The following PWWP2B variants were observed in gnomAD, a reference collection of about 807,000 sequenced individuals.
PWWP2B encodes the protein PWWP domain containing 2B, also known as PWWP domain-containing protein 2B.
Under a neutral mutation model 15.5 loss-of-function variants are expected in PWWP2B, and 9 were observed. That is an observed-to-expected ratio of 0.58 (90% CI 0.35 to 1.02). The LOEUF is 1.02. PWWP2B is among the 50% of genes least tolerant of loss of function. PWWP2B has a pLI of 0.02. For synonymous variants in PWWP2B, 474 were observed against 403.6 expected, an observed-to-expected ratio of 1.17 and a Z score of -2.09; for missense variants, 864 against 865.3, an observed-to-expected ratio of 1.00 and a Z score of 0.02.
At chr10:132,416,953 A>G in intron 2 of PWWP2B, 108 bp from the exon 3 acceptor site, 1 of 1,174,382 alleles carries the variant, frequency 8.5e-7, no homozygotes, top group Non-Finnish European at 1.3e-6. Context: ...GTCCCGGGTG[A>G]GCCTCAGGCC....
Position 132,404,929 on chromosome 10 carries a change from G to A in PWWP2B, c.429G>A (p.Pro143=), listed in dbSNP as rs767366661. Residue 143 remains proline (P), a synonymous_variant, in exon 2 of 3, where the codon CCG becomes CCA. Coordinates refer to ENST00000305233, the MANE Select transcript of PWWP2B (RefSeq NM_138499.4). ...RDTYKLWVPQ[P]PPRTIKRTRR... ...CGTACAAGCTGTGGGTGCCCCAGCCGCCGCCCAGGACCATCAAGCGCACGC... is the reference window on the plus strand; with the variant it reads ...CGTACAAGCTGTGGGTGCCCCAGCCACCGCCCAGGACCATCAAGCGCACGC... 3.6e-5 allele frequency: 58 copies of A among 1,594,850 alleles called. No homozygotes were observed. Among genetic ancestry groups the A allele is most frequent in the Admixed American group, 2.0e-4 (12 of 59,832 alleles).
At chr10:132,413,721 C>T (rs546831511) in intron 2 of PWWP2B, among the ~76,000 whole-genome samples, 34 of 152,266 alleles carry the variant, frequency 2.2e-4, no homozygotes, top group Admixed American at 7.8e-4. Flanking sequence ...TTCTCCTCCC[C>T]GCCCCTCGCC....
chr10:132,404,354 C>A (rs1474727806), intron 1 of PWWP2B, among the ~76,000 whole-genome samples: 2 of 152,282 alleles, frequency 1.3e-5, no homozygotes, highest in East Asian at 3.9e-4. Flanking sequence ...AGCCTCTGGG[C>A]CTGTCTCTGG....
chr10:132,399,400 GC>G (rs1564871394), intron 1 of PWWP2B, among the ~76,000 whole-genome samples: 2 of 152,258 alleles, frequency 1.3e-5, no homozygotes, highest in African/African-American at 4.8e-5. Flanking sequence ...GGGAATGGCG[GC>G]CCCGCTCACA....
At chr10:132,404,119 G>A (rs1439105534) in intron 1 of PWWP2B, among the ~76,000 whole-genome samples, 1 of 150,286 alleles carries the variant, frequency 6.7e-6, no homozygotes, top group Non-Finnish European at 1.5e-5. Flanking sequence ...CCAGGGGCTT[G>A]CTTTGGGGGT....
intron 2 of PWWP2B, among the ~76,000 whole-genome samples, chr10:132,410,070 A>G (rs1032704279): frequency 6.6e-6 from 1 of 152,212 alleles, no homozygotes; most frequent in Non-Finnish European, 1.5e-5. Context: ...AGTTAAAAAT[A>G]AAATGAAACT....
In PWWP2B at chr10:132,405,170, A is replaced by C. The variant is rs561818686; in HGVS notation, c.670A>C (p.Thr224Pro). The change falls in exon 2 of 3, where the codon ACG (threonine) becomes CCG (proline). Residue 224 changes from threonine (T) to proline (P), a missense_variant. Physicochemically the swap from Thr to Pro is conservative, Grantham distance 38. This residue lies in a region of PWWP2B where 736 missense variants were observed against 687.7 expected (regional missense o/e 1.07). Transcript: ENST00000305233. ...GGAGGAGCCGGAGAACGGCGAGCCC[A>C]CGGCTGCGGCCACCGCCAGGAGGAG... Reference protein sequence around the residue: ...KPEEPENGEPTAAATARRSKR... With the variant: ...KPEEPENGEPPAAATARRSKR... 1 of 1,552,378 alleles carries C rather than the reference A, an allele frequency of 6.4e-7. No individual in the cohort carries two copies. Among genetic ancestry groups the C allele is most frequent in the Non-Finnish European group, 8.7e-7 (1 of 1,148,636 alleles).
intron 2 of PWWP2B, 114 bp downstream of exon 2, chr10:132,406,403 C>T: frequency 1.1e-6 from 1 of 939,912 alleles, no homozygotes; most frequent in Non-Finnish European, 1.5e-6. Context: ...CTGTGCCCCT[C>T]AGCTGGCTTG....
At position 132,404,849 on chromosome 10, in the gene PWWP2B, T is replaced by C. The variant is rs2069665584; in HGVS notation, c.349T>C (p.Tyr117His). 2 of 1,462,920 alleles carry C rather than the reference T, an allele frequency of 1.4e-6. No homozygotes were observed. The highest frequency in any genetic ancestry group is 1.8e-6 in the Non-Finnish European group (2 of 1,094,974). 90.6% of individuals were successfully genotyped at this position (1,462,920 alleles called of 1,614,324 possible). The part of the protein sequence containing the change: ...PPLPAGSLPP[Y>H]PPYFEGAPFP... Reference sequence around the variant, plus strand: ...GCTGCCCGCCGGAAGCCTGCCCCCGTACCCTCCCTACTTCGAAGGCGCCCC... The same window carrying C: ...GCTGCCCGCCGGAAGCCTGCCCCCGCACCCTCCCTACTTCGAAGGCGCCCC... Residue 117 changes from tyrosine to histidine, a missense_variant, in exon 2 of 3, where the codon TAC becomes CAC. Tyr to His is a moderately conservative substitution (Grantham distance 83). This residue lies in a region of PWWP2B where 736 missense variants were observed against 687.7 expected (regional missense o/e 1.07). Transcript: ENST00000305233.
At chr10:132,416,756 C>A (rs926800581) in intron 2 of PWWP2B, among the ~76,000 whole-genome samples, 1 of 152,148 alleles carries the variant, frequency 6.6e-6, no homozygotes, top group Non-Finnish European at 1.5e-5. Context: ...TCAGCCCCCA[C>A]CAAGAGGCCA....
At chr10:132,399,852 G>A (rs918486709) in intron 1 of PWWP2B, among the ~76,000 whole-genome samples, 9 of 152,204 alleles carry the variant, frequency 5.9e-5, no homozygotes, top group African/African-American at 9.7e-5. Flanking sequence ...ACGAGGCTCC[G>A]AGTGCGGAAG....
intron 1 of PWWP2B, among the ~76,000 whole-genome samples, chr10:132,398,413 A>G (rs191039237): frequency 6.6e-6 from 1 of 152,294 alleles, no homozygotes; most frequent in East Asian, 1.9e-4. Context: ...TCGGGGGGTG[A>G]GAATCGCCAC....
chr10:132,403,337 C>T (rs1402644333), intron 1 of PWWP2B, among the ~76,000 whole-genome samples: 1 of 152,246 alleles, frequency 6.6e-6, no homozygotes, highest in African/African-American at 2.4e-5. Flanking sequence ...CCATCTCCCT[C>T]TCTTTTTTCT....
chr10:132,401,886 C>T (rs2069620727), intron 1 of PWWP2B, among the ~76,000 whole-genome samples: 1 of 152,244 alleles, frequency 6.6e-6, no homozygotes, highest in African/African-American at 2.4e-5. Context: ...ATCCCTAGGG[C>T]TGGGTTCCCC....
chr10:132,407,675 T>G (rs2069718099), intron 2 of PWWP2B, among the ~76,000 whole-genome samples: 2 of 152,194 alleles, frequency 1.3e-5, no homozygotes, highest in African/African-American at 4.8e-5. Flanking sequence ...CTTGCTCTCC[T>G]GAGGCCAGGC....
intron 2 of PWWP2B, among the ~76,000 whole-genome samples, chr10:132,409,916 G>A (rs1267398733): frequency 6.6e-6 from 1 of 152,108 alleles, no homozygotes; most frequent in Non-Finnish European, 1.5e-5. Context: ...GAGGGTGGGG[G>A]CAAGTGTTCT....
Position 132,405,437 on chromosome 10 carries a change from A to G in PWWP2B, c.937A>G (p.Ile313Val), listed in dbSNP as rs1388593233. 1.2e-6 allele frequency: 2 copies of G among 1,609,802 alleles called. No homozygotes were observed. The highest frequency in any genetic ancestry group is 1.7e-6 in the Non-Finnish European group (2 of 1,179,456). The change falls in exon 2 of 3, where the codon ATC becomes GTC. Residue 313 changes from isoleucine (I) to valine (V), a missense_variant. Physicochemically the swap from Ile to Val is conservative, Grantham distance 29. Coordinates refer to ENST00000305233, the MANE Select transcript of PWWP2B (RefSeq NM_138499.4). ...GCCGTCCTGCGCGCCCTCGGCCTCC[A>G]TCCCCAAGTTGAAACTGACACGGCC... is the stretch of plus-strand genomic sequence containing the variant. ...DRPSCAPSAS[I>V]PKLKLTRPVP...
intron 1 of PWWP2B, among the ~76,000 whole-genome samples, chr10:132,398,359 G>T (rs916780912): frequency 1.3e-5 from 2 of 152,210 alleles, no homozygotes; most frequent in African/African-American, 4.8e-5. Flanking sequence ...TGCCCGCTCC[G>T]TGTGGGCTAC....
chr10:132,401,081 C>A (rs964590248), intron 1 of PWWP2B, among the ~76,000 whole-genome samples: 3 of 152,208 alleles, frequency 2.0e-5, no homozygotes, highest in African/African-American at 2.4e-5. Context: ...GCCTGACATC[C>A]AGGCGAGGCC....
Sources: gnomAD v4.1 joint callset for allele counts (sites outside exome capture counted in the v4.1 genomes callset) on GRCh38, gnomAD v4.1.1 for gene constraint, gnomAD v4.1.1 regional missense constraint, MANE v1.5 for transcripts, NCBI Gene and HGNC (gene_info 2026-07-23, HGNC 2026-07-21) for gene names.